Variants in GRIN2A observed in about 807,000 individuals in gnomAD.
The protein encoded by GRIN2A is glutamate receptor ionotropic, NMDA 2A.
GRIN2A carries 22 observed loss-of-function variants against 113.4 expected under a neutral mutation model. That is an observed-to-expected ratio of 0.19 (90% CI 0.14 to 0.28). GRIN2A has a LOEUF of 0.28. GRIN2A is among the 10% of genes least tolerant of loss of function. The pLI, the probability that GRIN2A is intolerant of heterozygous loss-of-function variation, is 1.00. For synonymous variants in GRIN2A, 827 were observed against 738.4 expected, an observed-to-expected ratio of 1.12 and a Z score of -1.94; for missense variants, 1,502 against 1,887.0, an observed-to-expected ratio of 0.80 and a Z score of 3.78.
At chr16:10,003,681 C>A (rs867714987) in intron 2 of GRIN2A, among the ~76,000 whole-genome samples, 30 of 152,266 alleles carry the variant, frequency 2.0e-4, no homozygotes, top group African/African-American at 6.7e-4. Context: ...AAATGAAGCA[C>A]ACAGTAATTA....
At chr16:10,011,508 T>G (rs1240520474) in intron 2 of GRIN2A, among the ~76,000 whole-genome samples, 1 of 152,198 alleles carries the variant, frequency 6.6e-6, no homozygotes, top group East Asian at 1.9e-4. Context: ...CCACTCATTC[T>G]CCAAACATTT....
chr16:9,835,001 A>G (rs2042562564), intron 7 of GRIN2A, among the ~76,000 whole-genome samples: 1 of 152,190 alleles, frequency 6.6e-6, no homozygotes, highest in Non-Finnish European at 1.5e-5. Flanking sequence ...CATGCTAGAA[A>G]GATGATATGC....
chr16:9,845,295 C>G (rs1261741668), intron 5 of GRIN2A, among the ~76,000 whole-genome samples: 3 of 152,172 alleles, frequency 2.0e-5, no homozygotes, highest in Non-Finnish European at 4.4e-5. Context: ...ATTTCTCTTC[C>G]TCATACAAAT....
intron 2 of GRIN2A, among the ~76,000 whole-genome samples, chr16:10,149,004 G>C (rs76358291): frequency 0.042 from 6,323 of 152,272 alleles, 188 homozygotes; most frequent in East Asian, 0.15. Flanking sequence ...CCCATCTGTG[G>C]GAGCTAAAAA....
intron 9 of GRIN2A, among the ~76,000 whole-genome samples, chr16:9,825,293 T>C (rs2042365605): frequency 6.6e-6 from 1 of 152,212 alleles, no homozygotes; most frequent in Non-Finnish European, 1.5e-5. Flanking sequence ...CTTATAGTGT[T>C]TGAAAGAACA....
At chr16:9,974,522 G>C (rs570637160) in intron 2 of GRIN2A, among the ~76,000 whole-genome samples, 1 of 152,248 alleles carries the variant, frequency 6.6e-6, no homozygotes, top group East Asian at 1.9e-4. Flanking sequence ...CCCTTAAAAG[G>C]GACAGGAATT....
At chr16:9,785,936 T>C (rs1288579718) in intron 11 of GRIN2A, among the ~76,000 whole-genome samples, 1 of 152,206 alleles carries the variant, frequency 6.6e-6, no homozygotes, top group Non-Finnish European at 1.5e-5. Flanking sequence ...TCAGTTGTTC[T>C]TTGTTGAATC....
At chr16:10,152,663 C>A (rs529764606) in intron 2 of GRIN2A, among the ~76,000 whole-genome samples, 7 of 152,264 alleles carry the variant, frequency 4.6e-5, no homozygotes, top group South Asian at 4.2e-4. Context: ...TCCATGTCAC[C>A]TTCTTGACAA....
intron 2 of GRIN2A, among the ~76,000 whole-genome samples, chr16:10,109,390 T>C (rs1346664637): frequency 6.6e-6 from 1 of 152,062 alleles, no homozygotes; most frequent in East Asian, 1.9e-4. Context: ...GAAACTAGTG[T>C]TCAGAAGGCA....
rs998844720 is a variant in GRIN2A, at chr16:9,761,684, A to C, written c.*1465T>G. 4.4e-6 allele frequency: 1 copy of C among 226,990 alleles called. No homozygotes were observed. Among genetic ancestry groups the C allele is most frequent in the Non-Finnish European group, 8.8e-6 (1 of 114,212 alleles). 14.1% of individuals were successfully genotyped at this position (226,990 alleles called of 1,614,324 possible). ...CAGGCACTGTGCTAACAGGCTCCCC[A>C]TGCATAAGTATTCCCCTCTCTGTCT... On this transcript the variant is annotated 3_prime_UTR_variant, in exon 13 of 13. Coordinates refer to ENST00000330684, the MANE Select transcript of GRIN2A (RefSeq NM_001134407.3).
At chr16:9,920,212 T>G (rs534518227) in intron 3 of GRIN2A, among the ~76,000 whole-genome samples, 1 of 152,170 alleles carries the variant, frequency 6.6e-6, no homozygotes, top group African/African-American at 2.4e-5. Flanking sequence ...AATGGATACA[T>G]GAAAAGACAA....
At chr16:9,876,883 A>G (rs2043378395) in intron 4 of GRIN2A, among the ~76,000 whole-genome samples, 1 of 152,206 alleles carries the variant, frequency 6.6e-6, no homozygotes, top group Non-Finnish European at 1.5e-5. Context: ...GTTCAATCCC[A>G]TCAGAGACAG....
At chr16:10,123,895 C>T (rs910572034) in intron 2 of GRIN2A, among the ~76,000 whole-genome samples, 3 of 152,178 alleles carry the variant, frequency 2.0e-5, no homozygotes, top group Non-Finnish European at 2.9e-5. Flanking sequence ...AATAGAGCTG[C>T]TCCGTGGGTT....
At chr16:9,986,003 AT>A (rs2045974069) in intron 2 of GRIN2A, among the ~76,000 whole-genome samples, 1 of 152,324 alleles carries the variant, frequency 6.6e-6, no homozygotes, top group Non-Finnish European at 1.5e-5. Flanking sequence ...AATAAAAAAC[AT>A]TTTTAACTGA....
intron 12 of GRIN2A, 55 bp from the exon 13 acceptor site, chr16:9,765,003 C>T (rs1327032493): frequency 1.2e-6 from 2 of 1,609,726 alleles, no homozygotes; most frequent in South Asian, 1.1e-5. Flanking sequence ...AACATGAAAC[C>T]ACTTTGCACT....
intron 2 of GRIN2A, among the ~76,000 whole-genome samples, chr16:10,058,377 T>G (rs575550846): frequency 3.3e-5 from 5 of 152,328 alleles, no homozygotes; most frequent in African/African-American, 1.2e-4. Flanking sequence ...TAATGATGTT[T>G]TAAAACAAAC....
chr16:10,041,552 G>A (rs2047166811), intron 2 of GRIN2A, among the ~76,000 whole-genome samples: 1 of 152,100 alleles, frequency 6.6e-6, no homozygotes, highest in African/African-American at 2.4e-5. Context: ...GCTCTGAGTG[G>A]GGCCTCTTCC....
At chr16:10,090,223 T>C (rs147716989) in intron 2 of GRIN2A, among the ~76,000 whole-genome samples, 2 of 150,640 alleles carry the variant, frequency 1.3e-5, no homozygotes, top group African/African-American at 2.4e-5. Flanking sequence ...AAAAAAAAAA[T>C]AGACCCAGGC....
chr16:9,849,692 A>G (rs564771912), intron 5 of GRIN2A, 64 bp downstream of exon 5: 10 of 1,151,108 alleles, frequency 8.7e-6, no homozygotes, highest in Admixed American at 1.7e-5. Flanking sequence ...TATTGTTACT[A>G]TCGATGATCC....
Sources: allele counts gnomAD v4.1 joint callset (sites outside exome capture counted in the v4.1 genomes callset), GRCh38; gene constraint gnomAD v4.1.1; transcripts MANE v1.5; gene names NCBI Gene and HGNC (gene_info 2026-07-23, HGNC 2026-07-21).